Variants in GRM1 observed in about 807,000 individuals in gnomAD.
GRM1 encodes the protein glutamate metabotropic receptor 1, also known as metabotropic glutamate receptor 1.
GRM1 carries 33 observed loss-of-function variants against 90.9 expected under a neutral mutation model. The ratio of observed to expected loss-of-function variants is 0.36; its 90% CI spans 0.28 to 0.49. The LOEUF (loss-of-function observed/expected upper bound fraction) is 0.49, where lower values mean the gene tolerates loss of function less well. Ranked by LOEUF, GRM1 falls within the 20% of genes least tolerant of loss-of-function variation. The pLI, the probability that GRM1 is intolerant of heterozygous loss-of-function variation, is 0.99. For missense variants in GRM1, 1,190 were observed against 1,534.3 expected, an observed-to-expected ratio of 0.78 and a Z score of 3.75; for synonymous variants, 700 against 613.2, an observed-to-expected ratio of 1.14 and a Z score of -2.09.
intron 1 of GRM1, among the ~76,000 whole-genome samples, chr6:146,099,847 A>G (rs1776993267): frequency 6.6e-6 from 1 of 152,188 alleles, no homozygotes; most frequent in African/African-American, 2.4e-5. Flanking sequence ...ATTTTGAACA[A>G]TATGTCTTGG....
rs1775456183 is a variant in GRM1 at position 146,055,595 on chromosome 6, GTA to G, written c.700+25380_700+25381del. The stretch of plus-strand genomic sequence containing the variant: ...AATTCAATGAGTCTTTCACTGAGTG[GTA>G]TGTGTTTGTGTTTGTGGGAACAGAA... On this transcript the variant is annotated intron_variant, in intron 1 of 7. Coordinates refer to ENST00000282753, the MANE Select transcript of GRM1 (RefSeq NM_001278064.2). 4.6e-5 allele frequency among the ~76,000 whole-genome samples: 7 copies of G among 152,144 alleles called. No individual in the cohort carries two copies. The South Asian group carries it at 1.5e-3, about 32-fold the overall frequency.
chr6:146,042,335 A>C (rs1174391308), intron 1 of GRM1, among the ~76,000 whole-genome samples: 1 of 152,032 alleles, frequency 6.6e-6, no homozygotes, highest in African/African-American at 2.4e-5. Flanking sequence ...AGAAAGGGAG[A>C]TGAGAGATCC....
chr6:146,073,297 A>C (rs568406511), intron 1 of GRM1, among the ~76,000 whole-genome samples: 3 of 152,092 alleles, frequency 2.0e-5, no homozygotes, highest in Non-Finnish European at 4.4e-5. Context: ...AGGCTTAAGA[A>C]GTCAAAACAT....
At chr6:146,376,919 T>G (rs1047853314) in intron 5 of GRM1, among the ~76,000 whole-genome samples, 1 of 152,108 alleles carries the variant, frequency 6.6e-6, no homozygotes, top group Non-Finnish European at 1.5e-5. Context: ...GTTCTCATGA[T>G]GGTGAATAGG....
At chr6:146,429,851 G>A (rs1034855982) in intron 7 of GRM1, among the ~76,000 whole-genome samples, 8 of 152,068 alleles carry the variant, frequency 5.3e-5, no homozygotes, top group African/African-American at 1.4e-4. Flanking sequence ...TCTTTCTTAC[G>A]CGAAGGTCTT....
At chr6:146,267,680 G>GGGCTCAGCTC (rs1781956460) in intron 2 of GRM1, among the ~76,000 whole-genome samples, 1 of 91,162 alleles carries the variant, frequency 1.1e-5, no homozygotes, top group Non-Finnish European at 1.9e-5. Context: ...GGGCTGGGCT[G>GGGCTCAGCTC]GGCTCGGCTC....
rs1476254822 is a variant in GRM1, at chr6:146,366,662, A to C, written c.1602+8968A>C. On this transcript the variant is annotated intron_variant, in intron 5 of 7. Coordinates refer to ENST00000282753, the MANE Select transcript of GRM1 (RefSeq NM_001278064.2). ...AGGCTCATTCATGTTTCTGCAAATA[A>C]CAGGATTTCATATACCTATTGGCCA... 5.9e-5 allele frequency among the ~76,000 whole-genome samples: 9 copies of C among 152,256 alleles called. No homozygotes were observed. In the East Asian group the frequency reaches 1.5e-3, roughly 26 times the overall value.
intron 2 of GRM1, among the ~76,000 whole-genome samples, chr6:146,211,125 GA>G (rs79645759): frequency 0.019 from 2,622 of 138,164 alleles, 85 homozygotes; most frequent in East Asian, 0.086. Context: ...ATATAGGGAA[GA>G]AAAAAAAAAA....
chr6:146,357,497 A>G (rs200049230), intron 4 of GRM1, 29 bp from the exon 5 acceptor site: 24 of 1,545,742 alleles, frequency 1.6e-5, no homozygotes, highest in Middle Eastern at 1.7e-4. Flanking sequence ...TCTATATTCT[A>G]TAAGACATGC....
chr6:146,343,150 T>TTTGGCTAACTTATTTCTCATAG (rs1283520335), intron 3 of GRM1, among the ~76,000 whole-genome samples: 2 of 152,172 alleles, frequency 1.3e-5, no homozygotes, highest in Admixed American at 6.5e-5. Flanking sequence ...TAAGTTTGAC[T>TTTGGCTAACTTATTTCTCATAG]TTGGCTAACT....
chr6:146,378,477 A>G (rs761176842), intron 5 of GRM1, among the ~76,000 whole-genome samples: 3 of 152,122 alleles, frequency 2.0e-5, no homozygotes, highest in Non-Finnish European at 4.4e-5. Flanking sequence ...GAGTCAAAAG[A>G]GATAATTTTG....
intron 5 of GRM1, among the ~76,000 whole-genome samples, chr6:146,359,860 G>A (rs796434404): frequency 1.3e-4 from 20 of 152,272 alleles, no homozygotes; most frequent in African/African-American, 4.3e-4. Flanking sequence ...GCTCCTGGGG[G>A]CCAATTTTAG....
rs188665747 is a variant in GRM1 at position 146,230,805 on chromosome 6, C to G, written c.950+71208C>G. Among the ~76,000 whole-genome samples the G allele has an allele frequency of 3.3e-5, 5 of 151,990 alleles. No homozygotes were observed. The East Asian group carries it at 9.7e-4, about 29-fold the overall frequency. ...GAATGAATAAACTGGCACATCCAGA[C>G]AATGAAATATTATTCAGTACTAAAA... On this transcript the variant is annotated intron_variant, in intron 2 of 7. Transcript: ENST00000282753.
In GRM1 at chr6:146,237,418, T is replaced by C. The variant is rs145489411; in HGVS notation, c.951-67193T>C. The stretch of plus-strand genomic sequence containing the variant: ...TTTGCTGTATTAAGAAACAATGTGC[T>C]TTTGTTTGTTTTTCAAATATAAATT... On this transcript the variant is annotated intron_variant, in intron 2 of 7. Coordinates refer to ENST00000282753, the MANE Select transcript of GRM1 (RefSeq NM_001278064.2). Among the ~76,000 whole-genome samples the C allele has an allele frequency of 5.9e-5, 9 of 152,168 alleles. No homozygotes were observed. In the East Asian group the frequency reaches 1.7e-3, roughly 29 times the overall value.
At chr6:146,043,788 T>G (rs955624069) in intron 1 of GRM1, among the ~76,000 whole-genome samples, 2 of 127,380 alleles carry the variant, frequency 1.6e-5, no homozygotes, top group Admixed American at 7.5e-5. Context: ...AGGTGATATA[T>G]ATATATATAT....
At chr6:146,157,751 A>T (rs1179421255) in intron 1 of GRM1, among the ~76,000 whole-genome samples, 2 of 152,170 alleles carry the variant, frequency 1.3e-5, no homozygotes, top group Admixed American at 6.5e-5. Flanking sequence ...AACCTAAAGT[A>T]GACACACTTC....
At chr6:146,384,124 A>G (rs900580262) in intron 5 of GRM1, among the ~76,000 whole-genome samples, 1 of 152,134 alleles carries the variant, frequency 6.6e-6, no homozygotes, top group African/African-American at 2.4e-5. Flanking sequence ...AGAGTTTGGG[A>G]GGACCAAAAC....
chr6:146,148,790 A>G (rs1444757698), intron 1 of GRM1, among the ~76,000 whole-genome samples: 1 of 152,098 alleles, frequency 6.6e-6, no homozygotes, highest in Admixed American at 6.6e-5. Flanking sequence ...TAACAAGTAT[A>G]TATAGTTTTG....
intron 1 of GRM1, among the ~76,000 whole-genome samples, chr6:146,142,065 G>C (rs901096639): frequency 1.3e-5 from 2 of 152,196 alleles, no homozygotes; most frequent in Admixed American, 6.5e-5. Flanking sequence ...CTTGGGTGTT[G>C]TTATCTAAGT....
Sources: gnomAD v4.1 joint callset for allele counts (sites outside exome capture counted in the v4.1 genomes callset) on GRCh38, gnomAD v4.1.1 for gene constraint, MANE v1.5 for transcripts, NCBI Gene and HGNC (gene_info 2026-07-23, HGNC 2026-07-21) for gene names.